DNAJB1: variants seen among roughly 807,000 people sequenced by gnomAD.
The protein encoded by DNAJB1 is DnaJ heat shock protein family (Hsp40) member B1.
A neutral mutation model predicts 24.0 loss-of-function variants in DNAJB1; 14 were observed. That is an observed-to-expected ratio of 0.58 (90% CI 0.39 to 0.91). DNAJB1 has a LOEUF of 0.91. DNAJB1 is among the 40% of genes least tolerant of loss of function. The pLI is 0.00. For synonymous variants in DNAJB1, 262 were observed against 174.4 expected, an observed-to-expected ratio of 1.50 and a Z score of -3.96; for missense variants, 517 against 458.1, an observed-to-expected ratio of 1.13 and a Z score of -1.17.
At chr19:14,538,038 G>T (rs984280598) in intron 1 of DNAJB1, among the ~76,000 whole-genome samples, 2 of 152,156 alleles carry the variant, frequency 1.3e-5, no homozygotes, top group Admixed American at 6.6e-5. Context: ...GAGCCACTGC[G>T]CCGGCAGTGT....
upstream of DNAJB1, among the ~76,000 whole-genome samples, chr19:14,522,539 C>T (rs1039872604): frequency 1.3e-5 from 2 of 151,478 alleles, no homozygotes; most frequent in Non-Finnish European, 2.9e-5. Flanking sequence ...TGAGGTTTCC[C>T]GGCAGAAAAA....
upstream of DNAJB1, chr19:14,529,967 C>G: frequency 1.7e-6 from 1 of 576,008 alleles, no homozygotes; most frequent in Non-Finnish European, 3.1e-6. Context: ...GGCTGGGACG[C>G]TTGCAGGTTC....
At chr19:14,537,986 T>TC (rs2072964444) in intron 1 of DNAJB1, among the ~76,000 whole-genome samples, 1 of 152,170 alleles carries the variant, frequency 6.6e-6, no homozygotes, top group African/African-American at 2.4e-5. Flanking sequence ...CCTCAGGTGA[T>TC]CCGCCCAACT....
intron 1 of DNAJB1, among the ~76,000 whole-genome samples, chr19:14,546,258 T>A (rs73002854): frequency 0.29 from 44,237 of 151,630 alleles, 7,039 homozygotes; most frequent in Non-Finnish European, 0.37. Context: ...TCAGAAGGAA[T>A]TCTAGATTTG....
chr19:14,560,332 C>G (rs1004244918), upstream of DNAJB1, among the ~76,000 whole-genome samples: 1 of 152,138 alleles, frequency 6.6e-6, no homozygotes, highest in Non-Finnish European at 1.5e-5. Context: ...GGCCTTCTCT[C>G]CCTGTGGACG....
intron 1 of DNAJB1, among the ~76,000 whole-genome samples, chr19:14,549,263 G>A (rs1288323666): frequency 9.0e-5 from 13 of 144,350 alleles, no homozygotes; most frequent in South Asian, 2.4e-4. Flanking sequence ...GCCAGGCTGG[G>A]GTGCAGTGGT....
chr19:14,529,743 A>T (rs1225152251), upstream of DNAJB1: 5 of 1,613,802 alleles, frequency 3.1e-6, no homozygotes, highest in African/African-American at 2.7e-5. Flanking sequence ...CCGTGTGGCC[A>T]CTGCTGACCC....
chr19:14,556,562 C>G (rs969593917), intron 1 of DNAJB1, among the ~76,000 whole-genome samples: 1 of 152,128 alleles, frequency 6.6e-6, no homozygotes, highest in Non-Finnish European at 1.5e-5. Context: ...GTCCCATGAA[C>G]CCCAGAGGCT....
rs961678127 is a variant in DNAJB1, at chr19:14,515,710, G to C, written c.*230C>G. ...GCTGCCAGACCCAGTGGGGCAGACT[G>C]GAATGCCTTTTCCTGCTGTTCCCAC... On this transcript the variant is annotated 3_prime_UTR_variant, in exon 3 of 3. Transcript: ENST00000254322. 4.0e-6 allele frequency: 2 copies of C among 495,294 alleles called. No homozygotes were observed. The highest frequency in any genetic ancestry group is 4.0e-5 in the African/African-American group (2 of 49,536). The allele number at this position is 495,294 out of a possible 1,614,324, so 30.7% of individuals were successfully genotyped here. A position where few individuals can be genotyped will look rare whatever the true frequency, so the allele number is the denominator to read the frequency against.
Position 14,516,648 on chromosome 19 carries a change from A to G in DNAJB1, c.610T>C (p.Leu204=), listed in dbSNP as rs765199498. The change falls in exon 2 of 3, where the codon TTG becomes CTG. Residue 204 remains leucine, a synonymous_variant. Transcript: ENST00000254322. ...GKSIRNEDKI[L]TIEVKKGWKE... ...CACCCCTTCTTCACTTCGATGGTCAATATTTTGTCTTCGTTTCGAATGCTC... is the reference window on the plus strand; with the variant it reads ...CACCCCTTCTTCACTTCGATGGTCAGTATTTTGTCTTCGTTTCGAATGCTC... 8 of 1,614,034 alleles carry G rather than the reference A, an allele frequency of 5.0e-6. No homozygotes were observed. In the Admixed American group the frequency reaches 1.0e-4, roughly 20 times the overall value.
upstream of DNAJB1, among the ~76,000 whole-genome samples, chr19:14,551,256 G>A (rs1370794417): frequency 1.3e-5 from 2 of 151,268 alleles, no homozygotes; most frequent in African/African-American, 4.9e-5. Flanking sequence ...TGTATTTTTA[G>A]TAGAGATAGG....
At chr19:14,544,957 A>T (rs762364723) in intron 1 of DNAJB1, among the ~76,000 whole-genome samples, 6 of 151,972 alleles carry the variant, frequency 3.9e-5, no homozygotes, top group Non-Finnish European at 7.4e-5. Flanking sequence ...AACCATTGAC[A>T]CATCAGAATC....
intron 1 of DNAJB1, among the ~76,000 whole-genome samples, chr19:14,535,646 C>G (rs564180631): frequency 2.3e-4 from 28 of 121,224 alleles, no homozygotes; most frequent in African/African-American, 7.5e-4. Context: ...CCCAGGTACT[C>G]GAGAGACTGA....
At chr19:14,539,981 G>C (rs1319619380) in intron 1 of DNAJB1, among the ~76,000 whole-genome samples, 1 of 151,646 alleles carries the variant, frequency 6.6e-6, no homozygotes, top group Non-Finnish European at 1.5e-5. Flanking sequence ...CCGGGTTCAA[G>C]TGATTCTCCT....
At chr19:14,540,839 G>T (rs946735344) in intron 1 of DNAJB1, among the ~76,000 whole-genome samples, 1 of 150,554 alleles carries the variant, frequency 6.6e-6, no homozygotes, top group Non-Finnish European at 1.5e-5. Flanking sequence ...GCTTTTTTTT[G>T]TTTGTTTGTT....
upstream of DNAJB1, among the ~76,000 whole-genome samples, chr19:14,522,689 C>CAGACACACAG (rs200824112): frequency 1.1e-5 from 1 of 88,366 alleles, no homozygotes; most frequent in African/African-American, 3.2e-5. Context: ...CACAGACACA[C>CAGACACACAG]ACACACACAC....
intron 1 of DNAJB1, among the ~76,000 whole-genome samples, chr19:14,535,127 C>A (rs1034804951): frequency 2.6e-5 from 4 of 152,012 alleles, no homozygotes; most frequent in Admixed American, 2.6e-4. Flanking sequence ...AATCCCAGCA[C>A]GTTGGGAGGC....
intron 1 of DNAJB1, among the ~76,000 whole-genome samples, chr19:14,558,463 C>CCCTGA (rs1905471581): frequency 2.0e-5 from 3 of 152,244 alleles, no homozygotes; most frequent in Admixed American, 2.0e-4. Flanking sequence ...CTTGGCTCTG[C>CCCTGA]CCTGACCTCG....
At position 14,516,189 on chromosome 19, in the gene DNAJB1, A is replaced by G. The variant is rs1325031227; in HGVS notation, c.793-19T>C. The G allele has an allele frequency of 4.3e-6, 7 of 1,612,846 alleles. No homozygotes were observed. The highest frequency in any genetic ancestry group is 1.7e-5 in the Admixed American group (1 of 59,624). ...ACAGAGCCTTGAAAAGCAAAAGGAC[A>G]GCATTAGATGGAAGCTGGCTCAAGA... On this transcript the variant is annotated intron_variant, in intron 2 of 2. Transcript: ENST00000254322.
Sources: allele counts gnomAD v4.1 joint callset (sites outside exome capture counted in the v4.1 genomes callset), GRCh38; gene constraint gnomAD v4.1.1; transcripts MANE v1.5; gene names NCBI Gene and HGNC (gene_info 2026-07-23, HGNC 2026-07-21).